The following TCF24 variants were observed in gnomAD, a reference collection of about 807,000 sequenced individuals.
The protein encoded by TCF24 is transcription factor 24.
In TCF24, 5 loss-of-function variants were observed where a neutral mutation model predicts 9.3. The ratio of observed to expected loss-of-function variants is 0.54; its 90% CI spans 0.28 to 1.13. The LOEUF (loss-of-function observed/expected upper bound fraction) is 1.13. Ranked by LOEUF, TCF24 falls within the 50% of genes most tolerant of loss-of-function variation. The pLI is 0.09. For synonymous variants in TCF24, 110 were observed against 115.8 expected, an observed-to-expected ratio of 0.95 and a Z score of 0.32; for missense variants, 220 against 236.1, an observed-to-expected ratio of 0.93 and a Z score of 0.45.
In TCF24 at chr8:66,961,934, A is replaced by C; in HGVS notation, c.-81T>G. The stretch of plus-strand genomic sequence containing the variant: ...GCGAGCTCGTTTTGCCTGGGACGCG[A>C]TTTGCTTCCGGACGTCTGGGGAGAG... On this transcript the variant is annotated 5_prime_UTR_variant, in exon 2 of 4. Coordinates refer to ENST00000563496, the MANE Select transcript of TCF24 (RefSeq NM_001193502.2). 1 of 447,328 alleles carries C rather than the reference A, an allele frequency of 2.2e-6. No individual in the cohort carries two copies. The highest frequency in any genetic ancestry group is 3.0e-6 in the Non-Finnish European group (1 of 329,934). 27.7% of individuals were successfully genotyped at this position (447,328 alleles called of 1,614,324 possible). A position where few individuals can be genotyped will look rare whatever the true frequency, so the allele number is the denominator to read the frequency against.
chr8:66,958,445 A>G (rs1052603614), intron 3 of TCF24, among the ~76,000 whole-genome samples: 13 of 152,192 alleles, frequency 8.5e-5, no homozygotes, highest in Non-Finnish European at 1.9e-4. Context: ...TGGGTGGATC[A>G]TGAGGTCAGG....
intron 3 of TCF24, among the ~76,000 whole-genome samples, chr8:66,948,697 ATCTATCT>A (rs1814004453): frequency 6.7e-6 from 1 of 149,902 alleles, no homozygotes; most frequent in South Asian, 2.1e-4. Flanking sequence ...CTATCTATCT[ATCTATCT>A]ATTTTTTTTG....
At chr8:66,956,145 T>C (rs1341626590) in intron 3 of TCF24, among the ~76,000 whole-genome samples, 1 of 152,080 alleles carries the variant, frequency 6.6e-6, no homozygotes, top group East Asian at 1.9e-4. Flanking sequence ...AGAGGCAGAG[T>C]CTCACTATGT....
At chr8:66,950,368 T>C (rs906962387) in intron 3 of TCF24, among the ~76,000 whole-genome samples, 2 of 152,078 alleles carry the variant, frequency 1.3e-5, no homozygotes, top group African/African-American at 4.8e-5. Flanking sequence ...TAGGGAATCC[T>C]TTCCCCATTG....
At chr8:66,961,285 A>C in intron 3 of TCF24, 91 bp downstream of exon 3, 2 of 1,320,364 alleles carry the variant, frequency 1.5e-6, no homozygotes, top group Non-Finnish European at 1.9e-6. Context: ...CCGAAAAGGA[A>C]TTAGAGCATC....
chr8:66,953,913 C>T (rs2130899403), intron 3 of TCF24, among the ~76,000 whole-genome samples: 1 of 151,872 alleles, frequency 6.6e-6, no homozygotes, highest in Admixed American at 6.6e-5. Flanking sequence ...CTGCATTCTT[C>T]ACGTAGTTCT....
At chr8:66,952,907 A>G (rs1292493838) in intron 3 of TCF24, among the ~76,000 whole-genome samples, 2 of 131,118 alleles carry the variant, frequency 1.5e-5, no homozygotes, top group Non-Finnish European at 3.2e-5. Flanking sequence ...ATCAGAGACT[A>G]GGATTGCAAC....
At chr8:66,950,476 C>T (rs1814041569) in intron 3 of TCF24, among the ~76,000 whole-genome samples, 2 of 152,064 alleles carry the variant, frequency 1.3e-5, no homozygotes, top group African/African-American at 2.4e-5. Flanking sequence ...CTGTACCATG[C>T]TGTTTTGGTT....
At chr8:66,951,385 G>A (rs1351844388) in intron 3 of TCF24, among the ~76,000 whole-genome samples, 1 of 142,778 alleles carries the variant, frequency 7.0e-6, no homozygotes, top group Non-Finnish European at 1.5e-5. Context: ...TTTATATGCT[G>A]GATTACATTT....
chr8:66,956,784 A>T (rs76640442), intron 3 of TCF24, among the ~76,000 whole-genome samples: 12,561 of 152,132 alleles, frequency 0.083, 1,056 homozygotes, highest in African/African-American at 0.21. Flanking sequence ...TACAGACTGA[A>T]TGTTTGTGTC....
chr8:66,959,885 CGCTT>C (rs1488029388), intron 3 of TCF24, among the ~76,000 whole-genome samples: 3 of 152,104 alleles, frequency 2.0e-5, no homozygotes, highest in African/African-American at 7.2e-5. Flanking sequence ...TGCAAAAAGA[CGCTT>C]GCTATGCTTA....
chr8:66,955,763 A>G (rs921461248), intron 3 of TCF24, among the ~76,000 whole-genome samples: 7 of 152,346 alleles, frequency 4.6e-5, no homozygotes, highest in Non-Finnish European at 8.8e-5. Flanking sequence ...CTTAGATGGA[A>G]TAATATAAAC....
intron 3 of TCF24, among the ~76,000 whole-genome samples, chr8:66,948,701 A>ATCTG (rs1012429728): frequency 1.4e-5 from 2 of 144,384 alleles, no homozygotes; most frequent in Non-Finnish European, 3.1e-5. Flanking sequence ...CTATCTATCT[A>ATCTG]TCTATTTTTT....
At chr8:66,948,467 C>T (rs973696988) in intron 3 of TCF24, among the ~76,000 whole-genome samples, 4 of 151,900 alleles carry the variant, frequency 2.6e-5, no homozygotes, top group South Asian at 2.1e-4. Context: ...TATATCTGCC[C>T]GTAATGTTTT....
intron 3 of TCF24, among the ~76,000 whole-genome samples, chr8:66,955,463 A>G (rs1041962035): frequency 3.3e-5 from 5 of 152,152 alleles, no homozygotes; most frequent in Non-Finnish European, 7.4e-5. Context: ...TTATGTAAGC[A>G]GGCTACTTAT....
Position 66,953,644 on chromosome 8 carries a change from T to C in TCF24, c.391-5480A>G, listed in dbSNP as rs1322290255. Among the ~76,000 whole-genome samples, 6 of 152,146 alleles carry C rather than the reference T, an allele frequency of 3.9e-5. No homozygotes were observed. The East Asian group carries it at 5.8e-4, about 15-fold the overall frequency. On this transcript the variant is annotated intron_variant, in intron 3 of 3. Coordinates refer to ENST00000563496, the MANE Select transcript of TCF24 (RefSeq NM_001193502.2). Reference sequence around the variant, plus strand: ...TTTCCTGAATCTGAATGTTGGCCTGTCTTGCTAGATTGGGGAAGTTCTCCT... The same window carrying C: ...TTTCCTGAATCTGAATGTTGGCCTGCCTTGCTAGATTGGGGAAGTTCTCCT...
chr8:66,948,691 CTATCTA>C (rs1563404703), intron 3 of TCF24, among the ~76,000 whole-genome samples: 4 of 150,794 alleles, frequency 2.7e-5, no homozygotes, highest in African/African-American at 9.9e-5. Flanking sequence ...ATCTATCTAT[CTATCTA>C]TCTATCTATT....
chr8:66,961,720 CGGCGCT>C lies in TCF24; in HGVS notation c.40_45del (p.Ser14_Ala15del). 1.8e-6 allele frequency: 2 copies of C among 1,103,722 alleles called. No individual in the cohort carries two copies. The highest frequency in any genetic ancestry group is 2.2e-6 in the Non-Finnish European group (2 of 906,700). The allele number at this position is 1,103,722 out of a possible 1,614,324, so 68.4% of individuals were successfully genotyped here. ...ATGGCGGCGGCCAGGGGCGCGGGCT[CGGCGCT>C]GGCGCTGAGGGGGCTGCCCGCTGGG... On this transcript the variant is annotated inframe_deletion, in exon 3 of 4. Transcript: ENST00000563496.
At chr8:66,957,137 A>G (rs1327252954) in intron 3 of TCF24, among the ~76,000 whole-genome samples, 3 of 150,120 alleles carry the variant, frequency 2.0e-5, no homozygotes, top group African/African-American at 7.3e-5. Flanking sequence ...AAAAAAAAAA[A>G]AGGCTGGATG....
Sources: allele counts gnomAD v4.1 joint callset (sites outside exome capture counted in the v4.1 genomes callset), GRCh38; gene constraint gnomAD v4.1.1; transcripts MANE v1.5; gene names NCBI Gene and HGNC (gene_info 2026-07-23, HGNC 2026-07-21).